The following COLEC12 variants were observed in gnomAD, a reference collection of about 807,000 sequenced individuals.
The protein encoded by COLEC12 is collectin-12.
In COLEC12, 33 loss-of-function variants were observed where a neutral mutation model predicts 71.1. That is an observed-to-expected ratio of 0.46 (90% CI 0.35 to 0.62). COLEC12 has a LOEUF of 0.62. Among genes scored for constraint, COLEC12 ranks in the 20% least tolerant of loss-of-function variants. The pLI, the probability that COLEC12 is intolerant of heterozygous loss-of-function variation, is 0.00. For missense variants in COLEC12, 765 were observed against 916.1 expected (o/e 0.84, Z 2.13); for synonymous variants, 350 against 353.0 (o/e 0.99, Z 0.10).
rs151285876 is a variant in COLEC12 at position 319,801 on chromosome 18, G to A, written c.*244C>T. ...TATAATCGCACGGTTACTGACGGAG[G>A]AGAATCTATGTGATTCAGTCCATGT... On this transcript the variant is annotated 3_prime_UTR_variant, in exon 10 of 10. Transcript: ENST00000400256. 6 of 527,866 alleles carry A rather than the reference G, an allele frequency of 1.1e-5. No homozygotes were observed. The highest frequency in any genetic ancestry group is 8.0e-5 in the African/African-American group (4 of 49,976). 32.7% of individuals were successfully genotyped at this position (527,866 alleles called of 1,614,324 possible). A position where few individuals can be genotyped will look rare whatever the true frequency, so the allele number is the denominator to read the frequency against.
rs1202077712 is a variant in COLEC12 at position 450,533 on chromosome 18, C to T, written c.58+30174G>A. Among the ~76,000 whole-genome samples the T allele has an allele frequency of 2.6e-5, 4 of 152,326 alleles. No individual in the cohort carries two copies. In the East Asian group the frequency reaches 5.8e-4, roughly 22 times the overall value. On this transcript the variant is annotated intron_variant, in intron 2 of 9. Transcript: ENST00000400256. ...CATGATTTTAAGTTTCCTGAGACTTCCCTAGAAGAAGCTGCTATGCTTCCT... is the reference window on the plus strand; with the variant it reads ...CATGATTTTAAGTTTCCTGAGACTTTCCTAGAAGAAGCTGCTATGCTTCCT...
intron 2 of COLEC12, among the ~76,000 whole-genome samples, chr18:422,075 C>G (rs1916109969): frequency 1.3e-5 from 2 of 152,204 alleles, no homozygotes; most frequent in Admixed American, 1.3e-4. Flanking sequence ...AGGCCTTTCA[C>G]ACTGTCATGT....
At chr18:359,225 A>G (rs1317908195) in intron 2 of COLEC12, among the ~76,000 whole-genome samples, 1 of 152,212 alleles carries the variant, frequency 6.6e-6, no homozygotes, top group Non-Finnish European at 1.5e-5. Flanking sequence ...AACTGTTGGT[A>G]GCTTGAAATC....
chr18:493,835 C>T (rs549545261), intron 1 of COLEC12, among the ~76,000 whole-genome samples: 24 of 152,336 alleles, frequency 1.6e-4, no homozygotes, highest in African/African-American at 5.8e-4. Context: ...CATACTTATA[C>T]ATACATCTGT....
intron 2 of COLEC12, among the ~76,000 whole-genome samples, chr18:449,303 G>C (rs1262128935): frequency 6.6e-6 from 1 of 152,154 alleles, no homozygotes; most frequent in Non-Finnish European, 1.5e-5. Context: ...AATAACTCTA[G>C]TGTGAGAGGT....
At chr18:492,128 A>G (rs917682680) in intron 1 of COLEC12, among the ~76,000 whole-genome samples, 2 of 152,150 alleles carry the variant, frequency 1.3e-5, no homozygotes, top group African/African-American at 2.4e-5. Flanking sequence ...ATCACAGGAG[A>G]TTCATTTTGA....
chr18:356,215 C>T (rs948815837), intron 3 of COLEC12, among the ~76,000 whole-genome samples: 3 of 152,152 alleles, frequency 2.0e-5, no homozygotes, highest in African/African-American at 7.2e-5. Flanking sequence ...TCTTCAATTA[C>T]ATCATCTTTG....
At chr18:482,459 T>C (rs1036464836) in intron 1 of COLEC12, among the ~76,000 whole-genome samples, 4 of 151,914 alleles carry the variant, frequency 2.6e-5, no homozygotes, top group Non-Finnish European at 4.4e-5. Flanking sequence ...CAGGCCTTTC[T>C]AGGGGACCCT....
At chr18:441,165 G>T (rs375153696) in intron 2 of COLEC12, among the ~76,000 whole-genome samples, 22 of 148,346 alleles carry the variant, frequency 1.5e-4, no homozygotes, top group African/African-American at 4.7e-4. Context: ...GGAGAATGGC[G>T]TGAACCCGGG....
At chr18:367,979 A>G (rs933963518) in intron 2 of COLEC12, among the ~76,000 whole-genome samples, 15 of 152,142 alleles carry the variant, frequency 9.9e-5, no homozygotes, top group African/African-American at 2.9e-4. Context: ...GGAGAGAAAT[A>G]TTTTCATGGG....
At chr18:419,469 G>C (rs1049596208) in intron 2 of COLEC12, among the ~76,000 whole-genome samples, 1 of 152,154 alleles carries the variant, frequency 6.6e-6, no homozygotes, top group Non-Finnish European at 1.5e-5. Flanking sequence ...GCCTCCCAAA[G>C]TGCTGGATTA....
At chr18:464,399 T>C (rs79185634) in intron 2 of COLEC12, among the ~76,000 whole-genome samples, 2,178 of 152,324 alleles carry the variant, frequency 0.014, 21 homozygotes, top group Middle Eastern at 0.027. Flanking sequence ...CATTTCCCCA[T>C]GGGACAGGCA....
intron 2 of COLEC12, among the ~76,000 whole-genome samples, chr18:381,894 TA>T (rs201452666): frequency 3.3e-5 from 5 of 152,066 alleles, no homozygotes; most frequent in Admixed American, 6.5e-5. Flanking sequence ...ATTTTTTTTT[TA>T]AAAAGCTCAC....
At chr18:390,182 C>G (rs1915433109) in intron 2 of COLEC12, among the ~76,000 whole-genome samples, 1 of 152,222 alleles carries the variant, frequency 6.6e-6, no homozygotes, top group African/African-American at 2.4e-5. Context: ...CCAATCACAG[C>G]TGCACTTCCC....
chr18:436,893 C>A (rs1282037520), intron 2 of COLEC12, among the ~76,000 whole-genome samples: 2 of 152,164 alleles, frequency 1.3e-5, no homozygotes, highest in South Asian at 4.1e-4. Context: ...ATACTTAACA[C>A]CTGCTCAAAA....
At chr18:401,079 A>G (rs1915675506) in intron 2 of COLEC12, among the ~76,000 whole-genome samples, 1 of 152,192 alleles carries the variant, frequency 6.6e-6, no homozygotes, top group Non-Finnish European at 1.5e-5. Flanking sequence ...TCCACATGGA[A>G]ACACCAATCT....
intron 1 of COLEC12, among the ~76,000 whole-genome samples, chr18:494,645 A>C (rs1917677506): frequency 2.0e-5 from 3 of 152,236 alleles, no homozygotes; most frequent in African/African-American, 7.2e-5. Flanking sequence ...GTTATATTTT[A>C]AAGCATATAT....
intron 5 of COLEC12, among the ~76,000 whole-genome samples, chr18:339,909 C>G (rs1336539403): frequency 6.6e-6 from 1 of 151,802 alleles, no homozygotes; most frequent in Non-Finnish European, 1.5e-5. Context: ...ATTATTAATG[C>G]CAGGGTTGGT....
chr18:344,354 C>T (rs1914326103), intron 5 of COLEC12, among the ~76,000 whole-genome samples: 1 of 152,202 alleles, frequency 6.6e-6, no homozygotes, highest in South Asian at 2.1e-4. Context: ...TGGCATTCCT[C>T]AGACAGAGCA....
Sources: gnomAD v4.1 joint callset for allele counts (sites outside exome capture counted in the v4.1 genomes callset) on GRCh38, gnomAD v4.1.1 for gene constraint, MANE v1.5 for transcripts, NCBI Gene and HGNC (gene_info 2026-07-23, HGNC 2026-07-21) for gene names.